The following ULK4 variants were observed in gnomAD, a reference collection of about 807,000 sequenced individuals.
The protein encoded by ULK4 is unc-51 like kinase 4, also known as inactive serine/threonine-protein kinase ULK4.
Under a neutral mutation model 160.6 loss-of-function variants are expected in ULK4, and 133 were observed. The observed-to-expected ratio is 0.83, with a 90% CI of 0.72 to 0.96. The LOEUF (loss-of-function observed/expected upper bound fraction) is 0.96. Ranked by LOEUF, ULK4 falls within the 40% of genes least tolerant of loss-of-function variation. The probability of loss-of-function intolerance (pLI) is 0.00; values close to 1 mark genes in which losing one functional copy is unlikely to be tolerated. For synonymous variants in ULK4, 534 were observed against 539.8 expected (o/e 0.99, Z 0.15); for missense variants, 1,580 against 1,499.5 (o/e 1.05, Z -0.89).
At chr3:41,455,412 C>A in intron 34 of ULK4, 85 bp downstream of exon 34, 2 of 1,261,472 alleles carry the variant, frequency 1.6e-6, no homozygotes, top group South Asian at 2.8e-5. Flanking sequence ...ATAAAAATAA[C>A]ATAGAAACTC....
intron 31 of ULK4, among the ~76,000 whole-genome samples, chr3:41,591,650 T>A (rs1487186540): frequency 6.6e-6 from 1 of 152,222 alleles, no homozygotes; most frequent in African/African-American, 2.4e-5. Context: ...TATGAGTAAA[T>A]ATTTTAACTT....
chr3:41,957,503 A>C (rs75349092), intron 1 of ULK4, among the ~76,000 whole-genome samples: 6,958 of 151,650 alleles, frequency 0.046, 492 homozygotes, highest in African/African-American at 0.16. Context: ...CTGGAAAGAT[A>C]TGTTAGACTA....
intron 22 of ULK4, among the ~76,000 whole-genome samples, chr3:41,740,390 C>G (rs2038202265): frequency 1.3e-5 from 2 of 151,824 alleles, no homozygotes; most frequent in South Asian, 4.1e-4. Flanking sequence ...CACGGCAAAC[C>G]TATACAATCA....
intron 35 of ULK4, among the ~76,000 whole-genome samples, chr3:41,335,745 AT>A (rs1297076347): frequency 1.3e-5 from 2 of 149,452 alleles, no homozygotes; most frequent in Non-Finnish European, 3.0e-5. Context: ...AAAAAAAAAA[AT>A]GTTCTTGGTT....
At chr3:41,558,895 C>G (rs943852304) in intron 32 of ULK4, among the ~76,000 whole-genome samples, 1 of 149,280 alleles carries the variant, frequency 6.7e-6, no homozygotes, top group Non-Finnish European at 1.5e-5. Flanking sequence ...TTTTATTACA[C>G]TTTAAGTTTT....
chr3:41,791,787 C>T lies in ULK4; in HGVS notation c.2011-1944G>A, dbSNP rs977513064. ...TGAAATAAACAAGTAAATATATGCA[C>T]TGAAAAAATGAGCATTTGTAGAGCA... is the stretch of plus-strand genomic sequence containing the variant. On this transcript the variant is annotated intron_variant, in intron 20 of 36. Coordinates refer to ENST00000301831, the MANE Select transcript of ULK4 (RefSeq NM_017886.4). 7.9e-5 allele frequency among the ~76,000 whole-genome samples: 12 copies of T among 152,062 alleles called. No individual in the cohort carries two copies. In the South Asian group the frequency reaches 2.3e-3, roughly 29 times the overall value.
intron 2 of ULK4, among the ~76,000 whole-genome samples, chr3:41,947,021 G>C (rs947200848): frequency 6.6e-6 from 1 of 152,190 alleles, no homozygotes; most frequent in Non-Finnish European, 1.5e-5. Context: ...TTATCCAGCA[G>C]TGTCCTAAAA....
intron 35 of ULK4, among the ~76,000 whole-genome samples, chr3:41,259,363 C>T (rs1156254811): frequency 6.6e-6 from 1 of 152,186 alleles, no homozygotes; most frequent in African/African-American, 2.4e-5. Flanking sequence ...TGGATTTCAG[C>T]TTCCCCAAAT....
chr3:41,739,928 TTAAC>T (rs1442708205), intron 22 of ULK4, among the ~76,000 whole-genome samples: 5 of 151,904 alleles, frequency 3.3e-5, no homozygotes, highest in East Asian at 3.8e-4. Flanking sequence ...AATACACAAA[TTAAC>T]TATTATATAT....
chr3:41,565,018 A>G (rs2087737654), intron 32 of ULK4, among the ~76,000 whole-genome samples: 1 of 152,248 alleles, frequency 6.6e-6, no homozygotes, highest in African/African-American at 2.4e-5. Context: ...GTTTAAATAT[A>G]CAAATACTTA....
intron 17 of ULK4, among the ~76,000 whole-genome samples, chr3:41,871,899 C>T (rs112646283): frequency 6.6e-6 from 1 of 152,112 alleles, no homozygotes. Context: ...TGTCTAAAAT[C>T]TCTTTATCTA....
At chr3:41,291,722 T>C (rs1435334513) in intron 35 of ULK4, among the ~76,000 whole-genome samples, 1 of 152,112 alleles carries the variant, frequency 6.6e-6, no homozygotes, top group Non-Finnish European at 1.5e-5. Flanking sequence ...TGAAGGGACA[T>C]GATGGGGCTT....
intron 34 of ULK4, among the ~76,000 whole-genome samples, chr3:41,446,952 C>T (rs1176771431): frequency 2.0e-5 from 3 of 151,092 alleles, no homozygotes; most frequent in East Asian, 1.9e-4. Context: ...GGCATGGTGG[C>T]GTGTGCCTGT....
chr3:41,766,042 G>T (rs1392871047), intron 21 of ULK4, among the ~76,000 whole-genome samples: 1 of 151,940 alleles, frequency 6.6e-6, no homozygotes, highest in Non-Finnish European at 1.5e-5. Context: ...AGGCCAAAGC[G>T]GGTGGATCAC....
At chr3:41,779,968 T>C in intron 21 of ULK4, among the ~76,000 whole-genome samples, 1 of 101,216 alleles carries the variant, frequency 9.9e-6, no homozygotes, top group Non-Finnish European at 1.8e-5. Flanking sequence ...ACATGTACCC[T>C]AAAACTTAGA....
intron 2 of ULK4, among the ~76,000 whole-genome samples, chr3:41,949,365 T>C (rs954024842): frequency 1.3e-5 from 2 of 151,332 alleles, no homozygotes; most frequent in African/African-American, 4.9e-5. Flanking sequence ...AAATAAACTG[T>C]CAAAACAAAA....
chr3:41,328,736 C>T (rs1398607710), intron 35 of ULK4, among the ~76,000 whole-genome samples: 4 of 151,994 alleles, frequency 2.6e-5, no homozygotes, highest in African/African-American at 9.7e-5. Flanking sequence ...TTGAACTGAT[C>T]CCCCAGGCAG....
intron 25 of ULK4, among the ~76,000 whole-genome samples, chr3:41,706,883 GTGTGTGTA>G (rs2036916019): frequency 2.3e-5 from 3 of 128,254 alleles, no homozygotes; most frequent in Admixed American, 7.1e-5. Context: ...GTGTGTGTGT[GTGTGTGTA>G]TATATATATA....
At chr3:41,255,846 TACA>T (rs2078824854) in intron 35 of ULK4, among the ~76,000 whole-genome samples, 1 of 152,236 alleles carries the variant, frequency 6.6e-6, no homozygotes, top group Admixed American at 6.5e-5. Flanking sequence ...ACAGGTTCTA[TACA>T]ACAAGAGTAA....
Sources: gnomAD v4.1 joint callset for allele counts (sites outside exome capture counted in the v4.1 genomes callset) on GRCh38, gnomAD v4.1.1 for gene constraint, MANE v1.5 for transcripts, NCBI Gene and HGNC (gene_info 2026-07-23, HGNC 2026-07-21) for gene names.